The following EXOC6B variants were observed in gnomAD, a reference collection of about 807,000 sequenced individuals.
EXOC6B encodes exocyst complex component 6B, also known as SEC15 homolog B.
EXOC6B carries 54 observed loss-of-function variants against 113.5 expected under a neutral mutation model. The ratio of observed to expected loss-of-function variants is 0.48; its 90% CI spans 0.38 to 0.60. The LOEUF (loss-of-function observed/expected upper bound fraction) is 0.60. Ranked by LOEUF, EXOC6B falls within the 20% of genes least tolerant of loss-of-function variation. The probability of loss-of-function intolerance (pLI) is 0.00; values close to 1 mark genes in which losing one functional copy is unlikely to be tolerated. For synonymous variants in EXOC6B, 357 were observed against 339.0 expected (o/e 1.05, Z -0.58); for missense variants, 797 against 977.5 (o/e 0.82, Z 2.46).
intron 6 of EXOC6B, among the ~76,000 whole-genome samples, chr2:72,612,550 G>A (rs754486995): frequency 7.9e-5 from 12 of 151,762 alleles, no homozygotes; most frequent in South Asian, 2.1e-4. Flanking sequence ...AGGTTTCTAC[G>A]AATGCTCTTC....
chr2:72,480,442 C>T (rs539771417), intron 17 of EXOC6B, among the ~76,000 whole-genome samples, 174 bp downstream of exon 17: 50 of 152,090 alleles, frequency 3.3e-4, no homozygotes, highest in Non-Finnish European at 5.3e-4. Context: ...CCCAAAAACT[C>T]GCACTGGTAT....
chr2:72,214,756 A>C (rs1680411617), intron 20 of EXOC6B, among the ~76,000 whole-genome samples: 1 of 152,178 alleles, frequency 6.6e-6, no homozygotes, highest in Non-Finnish European at 1.5e-5. Context: ...CACCTACCAT[A>C]AAAAGATTAA....
chr2:72,531,125 T>C (rs925100696), intron 8 of EXOC6B, among the ~76,000 whole-genome samples: 1 of 152,172 alleles, frequency 6.6e-6, no homozygotes, highest in Non-Finnish European at 1.5e-5. Flanking sequence ...ATGTTCATTC[T>C]CTTTGCTTTT....
chr2:72,232,458 T>C lies in EXOC6B; in HGVS notation c.2197-48271A>G, dbSNP rs573729673. 1.1e-3 allele frequency among the ~76,000 whole-genome samples: 175 copies of C among 152,304 alleles called. 2 individuals are homozygous for C. The Middle Eastern group carries it at 0.014, about 12-fold the overall frequency. ...CATAGTTTAACCTAGTAATTCTTCT[T>C]CTGGGAATTGATCCTAAGGAACTCT... is the stretch of plus-strand genomic sequence containing the variant. On this transcript the variant is annotated intron_variant, in intron 20 of 21. Coordinates refer to ENST00000272427, the MANE Select transcript of EXOC6B (RefSeq NM_015189.3).
At chr2:72,707,014 T>C (rs1678927340) in intron 6 of EXOC6B, among the ~76,000 whole-genome samples, 1 of 152,094 alleles carries the variant, frequency 6.6e-6, no homozygotes, top group Admixed American at 6.5e-5. Context: ...GTGCCAGAGT[T>C]GTGAATGAAG....
intron 8 of EXOC6B, among the ~76,000 whole-genome samples, chr2:72,521,256 A>G (rs1176728285): frequency 6.6e-6 from 1 of 152,180 alleles, no homozygotes; most frequent in Non-Finnish European, 1.5e-5. Context: ...AGAAGAAAAG[A>G]GCAGCCTTCA....
chr2:72,295,067 C>T (rs755237232), intron 20 of EXOC6B, among the ~76,000 whole-genome samples: 21 of 151,776 alleles, frequency 1.4e-4, no homozygotes, highest in Non-Finnish European at 2.5e-4. Flanking sequence ...CTCATCTCTA[C>T]TAAAAATATA....
intron 20 of EXOC6B, among the ~76,000 whole-genome samples, chr2:72,293,934 C>A (rs560055928): frequency 1.1e-4 from 16 of 151,542 alleles, no homozygotes; most frequent in Non-Finnish European, 4.4e-5. Flanking sequence ...CCATCAAGTT[C>A]CAGAGGAAAA....
At chr2:72,562,727 C>G (rs1257426324) in intron 7 of EXOC6B, among the ~76,000 whole-genome samples, 4 of 152,138 alleles carry the variant, frequency 2.6e-5, no homozygotes, top group African/African-American at 9.7e-5. Flanking sequence ...CATTTCCTCT[C>G]ATAAGGGCTT....
chr2:72,412,699 C>T (rs1390148122), intron 18 of EXOC6B, among the ~76,000 whole-genome samples: 5 of 152,012 alleles, frequency 3.3e-5, no homozygotes, highest in African/African-American at 9.7e-5. Flanking sequence ...CTCTTTTTTT[C>T]CCTAGGCTAA....
At chr2:72,634,379 C>T (rs144247012) in intron 6 of EXOC6B, among the ~76,000 whole-genome samples, 2,186 of 152,304 alleles carry the variant, frequency 0.014, 20 homozygotes, top group Middle Eastern at 0.048. Flanking sequence ...AATACTGCAG[C>T]CCCATCATTA....
At chr2:72,814,916 G>A (rs1686138632) in intron 1 of EXOC6B, among the ~76,000 whole-genome samples, 1 of 152,104 alleles carries the variant, frequency 6.6e-6, no homozygotes. Context: ...GCATGAATCC[G>A]GGAGGCGGAG....
chr2:72,419,951 C>T (rs1694771815), intron 18 of EXOC6B, among the ~76,000 whole-genome samples: 1 of 152,050 alleles, frequency 6.6e-6, no homozygotes, highest in Non-Finnish European at 1.5e-5. Flanking sequence ...TTGAAGGTGT[C>T]CCATAGGTCC....
intron 20 of EXOC6B, among the ~76,000 whole-genome samples, chr2:72,258,942 C>CAT (rs901408171): frequency 1.3e-5 from 2 of 152,070 alleles, no homozygotes; most frequent in African/African-American, 4.8e-5. Context: ...TATATTTTAT[C>CAT]ATATATATAT....
intron 7 of EXOC6B, among the ~76,000 whole-genome samples, chr2:72,573,834 G>T (rs1159791896): frequency 6.6e-6 from 1 of 152,076 alleles, no homozygotes; most frequent in East Asian, 1.9e-4. Context: ...AGTAGTTTAC[G>T]GCTGGGTGCG....
chr2:72,372,482 T>C (rs1441420789), intron 19 of EXOC6B, among the ~76,000 whole-genome samples: 1 of 152,048 alleles, frequency 6.6e-6, no homozygotes, highest in African/African-American at 2.4e-5. Flanking sequence ...CACAGACCAA[T>C]GGAACAGAAT....
chr2:72,198,369 G>A (rs1376963967), intron 20 of EXOC6B, among the ~76,000 whole-genome samples: 1 of 152,122 alleles, frequency 6.6e-6, no homozygotes, highest in Non-Finnish European at 1.5e-5. Flanking sequence ...TTTTGAAAAG[G>A]ACTTTTCAGA....
At chr2:72,335,115 G>C (rs765658934) in intron 19 of EXOC6B, 95 bp from the exon 20 acceptor site, 29 of 1,134,582 alleles carry the variant, frequency 2.6e-5, no homozygotes, top group Non-Finnish European at 3.3e-5. Context: ...GAAGCTGGGG[G>C]AGAGGAGGAC....
chr2:72,516,662 G>T (rs962879326), intron 8 of EXOC6B, among the ~76,000 whole-genome samples: 1 of 152,198 alleles, frequency 6.6e-6, no homozygotes, highest in Non-Finnish European at 1.5e-5. Flanking sequence ...TTTGAATAGT[G>T]ACTCTGCCCC....
Sources: allele counts gnomAD v4.1 joint callset (sites outside exome capture counted in the v4.1 genomes callset), GRCh38; gene constraint gnomAD v4.1.1; transcripts MANE v1.5; gene names NCBI Gene and HGNC (gene_info 2026-07-23, HGNC 2026-07-21).